Variants in TEX11 observed in about 807,000 individuals in gnomAD.
TEX11 encodes the protein testis expressed 11.
Under a neutral mutation model 84.4 loss-of-function variants are expected in TEX11, and 7 were observed. The observed-to-expected ratio is 0.08, with a 90% CI of 0.05 to 0.16. The LOEUF (loss-of-function observed/expected upper bound fraction) is 0.16. Ranked by LOEUF, TEX11 falls within the 10% of genes least tolerant of loss-of-function variation. TEX11 has a pLI of 1.00. For missense variants in TEX11, 551 were observed against 660.5 expected (o/e 0.83, Z 1.82); for synonymous variants, 264 against 222.8 (o/e 1.18, Z -1.64).
intron 7 of TEX11, among the ~76,000 whole-genome samples, chrX:70,836,159 G>A (rs1480970950): frequency 1.8e-5 from 2 of 108,507 alleles, no homozygotes; most frequent in Non-Finnish European, 3.8e-5. Flanking sequence ...TACTCCCCGA[G>A]TTGATCTATA....
the TEX11 span, among the ~76,000 whole-genome samples, chrX:70,512,673 G>A: frequency 9.2e-6 from 1 of 108,902 alleles, no homozygotes; most frequent in East Asian, 2.9e-4. Flanking sequence ...AGCTCATTGA[G>A]GATCTAAACC....
chrX:70,574,249 A>G (rs1394676540), intron 25 of TEX11, among the ~76,000 whole-genome samples: 1 of 112,011 alleles, frequency 8.9e-6, no homozygotes, highest in Non-Finnish European at 1.9e-5. Context: ...AGGGAGACCC[A>G]AAAGAGGAAA....
At chrX:70,642,315 T>G (rs1340517681) in intron 17 of TEX11, among the ~76,000 whole-genome samples, 1 of 111,461 alleles carries the variant, frequency 9.0e-6, no homozygotes, top group Non-Finnish European at 1.9e-5. Flanking sequence ...ACCAGATGGA[T>G]TCACAGCCGA....
At chrX:70,819,905 G>A (rs940830672) in intron 8 of TEX11, among the ~76,000 whole-genome samples, 1 of 111,493 alleles carries the variant, frequency 9.0e-6, no homozygotes, top group African/African-American at 3.3e-5. Flanking sequence ...AAGCATCAAT[G>A]AAGGAAATTA....
At chrX:70,854,709 C>T (rs942790438) in intron 5 of TEX11, among the ~76,000 whole-genome samples, 23 of 106,270 alleles carry the variant, frequency 2.2e-4, no homozygotes, top group Non-Finnish European at 4.5e-4. Context: ...GCACTCCAGC[C>T]TGGGCAACAG....
At chrX:70,602,246 CA>C (rs1312100448) in intron 24 of TEX11, among the ~76,000 whole-genome samples, 36 of 111,427 alleles carry the variant, frequency 3.2e-4, no homozygotes, top group African/African-American at 1.1e-3. Flanking sequence ...GAGACACAAC[CA>C]AAAAAGAGAA....
At chrX:70,573,706 C>CA (rs1248154604) in intron 25 of TEX11, among the ~76,000 whole-genome samples, 7 of 111,913 alleles carry the variant, frequency 6.3e-5, no homozygotes, top group African/African-American at 1.9e-4. Context: ...ATGGAAAAGA[C>CA]AAAAAATATT....
rs185822620 is a variant in TEX11 at position 70,760,490 on chromosome X, C to G, written c.693-16271G>C. ...ACCATCTGATCTTTGACAAACCTGA[C>G]AAAAACAAGCAATGGGGAAAGGATT... On this transcript the variant is annotated intron_variant, in intron 9 of 29. Coordinates refer to ENST00000374333, the MANE Select transcript of TEX11 (RefSeq NM_031276.3). Among the ~76,000 whole-genome samples, 29 of 111,536 alleles carry G rather than the reference C, an allele frequency of 2.6e-4. No individual in the cohort carries two copies. In the East Asian group the frequency reaches 5.9e-3, roughly 23 times the overall value.
At chrX:70,532,779 C>T (rs182307731) in intron 28 of TEX11, among the ~76,000 whole-genome samples, 5 of 110,989 alleles carry the variant, frequency 4.5e-5, no homozygotes, top group Non-Finnish European at 9.4e-5. Flanking sequence ...TGGCTTGTGC[C>T]TGTAATCCCA....
At chrX:70,846,865 A>G (rs1268691717) in intron 7 of TEX11, among the ~76,000 whole-genome samples, 1 of 111,620 alleles carries the variant, frequency 9.0e-6, no homozygotes, top group Non-Finnish European at 1.9e-5. Flanking sequence ...CAGAGATTTC[A>G]GTGAGCTGAG....
chrX:70,634,199 C>T (rs2089543028), intron 17 of TEX11, among the ~76,000 whole-genome samples: 2 of 111,495 alleles, frequency 1.8e-5, no homozygotes, highest in African/African-American at 6.5e-5. Flanking sequence ...AAGTAGAAAA[C>T]ATTGCTGAGA....
chrX:70,608,537 C>T (rs1333329338), intron 22 of TEX11, among the ~76,000 whole-genome samples: 4 of 110,279 alleles, frequency 3.6e-5, no homozygotes, highest in Non-Finnish European at 5.7e-5. Context: ...GTCAGGAGAT[C>T]GAGACCATCC....
chrX:70,822,529 C>T (rs959353340), intron 8 of TEX11, among the ~76,000 whole-genome samples: 4 of 110,702 alleles, frequency 3.6e-5, no homozygotes, highest in African/African-American at 1.3e-4. Flanking sequence ...ATTGTATATA[C>T]GTATATATAT....
intron 16 of TEX11, among the ~76,000 whole-genome samples, chrX:70,660,772 A>G (rs894715778): frequency 8.9e-6 from 1 of 112,582 alleles, no homozygotes; most frequent in African/African-American, 3.2e-5. Context: ...GAGGTGGCTC[A>G]CGCCTGTAAT....
intron 20 of TEX11, among the ~76,000 whole-genome samples, chrX:70,611,379 C>A (rs908935877): frequency 2.2e-4 from 25 of 111,622 alleles, no homozygotes; most frequent in African/African-American, 7.8e-4. Context: ...GTGGAAACTA[C>A]CATGGGAACC....
chrX:70,827,134 C>T (rs2091351316), intron 8 of TEX11, among the ~76,000 whole-genome samples: 1 of 111,421 alleles, frequency 9.0e-6, no homozygotes, highest in African/African-American at 3.3e-5. Context: ...CAGGACCTAG[C>T]TCTCAAACCA....
At chrX:70,542,508 T>C (rs2088059077) in intron 28 of TEX11, among the ~76,000 whole-genome samples, 1 of 112,102 alleles carries the variant, frequency 8.9e-6, no homozygotes, top group African/African-American at 3.2e-5. Context: ...CTTAGGTAAA[T>C]TGGTTACTTG....
intron 12 of TEX11, chrX:70,724,075 C>T: frequency 1.3e-6 from 1 of 752,846 alleles, no homozygotes; most frequent in South Asian, 6.7e-5. Context: ...TTCTTACCTA[C>T]ATTTGGATAA....
downstream of TEX11, among the ~76,000 whole-genome samples, chrX:70,526,089 G>C (rs2087819949): frequency 1.8e-5 from 2 of 111,779 alleles, no homozygotes; most frequent in Admixed American, 1.9e-4. Flanking sequence ...GCAGCCTCTT[G>C]GTCAGGTTGG....
Sources: gnomAD v4.1 joint callset for allele counts (sites outside exome capture counted in the v4.1 genomes callset) on GRCh38, gnomAD v4.1.1 for gene constraint, MANE v1.5 for transcripts, NCBI Gene and HGNC (gene_info 2026-07-23, HGNC 2026-07-21) for gene names.